The following PARD3 variants were observed in gnomAD, a reference collection of about 807,000 sequenced individuals.
PARD3 encodes par-3 family cell polarity regulator, also known as partitioning defective 3 homolog.
A neutral mutation model predicts 155.4 loss-of-function variants in PARD3; 75 were observed. That is an observed-to-expected ratio of 0.48 (90% confidence interval 0.40 to 0.58). The LOEUF is 0.58. Ranked by LOEUF, PARD3 falls within the 20% of genes least tolerant of loss-of-function variation. The probability of loss-of-function intolerance (pLI) is 0.00; values close to 1 mark genes in which losing one functional copy is unlikely to be tolerated. For missense variants in PARD3, 1,642 were observed against 1,721.7 expected (o/e 0.95, Z 0.82); for synonymous variants, 576 against 610.5 (o/e 0.94, Z 0.83).
At chr10:34,228,515 G>T (rs183250100) in intron 22 of PARD3, among the ~76,000 whole-genome samples, 5 of 152,154 alleles carry the variant, frequency 3.3e-5, no homozygotes, top group Admixed American at 3.3e-4. Flanking sequence ...GATAAGCTGG[G>T]GTGAGAACAC....
At chr10:34,626,214 T>C (rs2091974659) in intron 2 of PARD3, among the ~76,000 whole-genome samples, 1 of 152,218 alleles carries the variant, frequency 6.6e-6, no homozygotes, top group Non-Finnish European at 1.5e-5. Flanking sequence ...AGCCAGGAGT[T>C]GGGACCAAGA....
At chr10:34,767,392 G>A (rs1838230931) in intron 1 of PARD3, among the ~76,000 whole-genome samples, 1 of 152,108 alleles carries the variant, frequency 6.6e-6, no homozygotes, top group Non-Finnish European at 1.5e-5. Flanking sequence ...CGTGTGCTCA[G>A]GGTAGGGGAG....
intron 2 of PARD3, among the ~76,000 whole-genome samples, chr10:34,674,966 G>A (rs2496734): frequency 0.69 from 104,271 of 152,068 alleles, 36,215 homozygotes; most frequent in African/African-American, 0.73. Flanking sequence ...GTATATGCAC[G>A]TAATAGATAT....
chr10:34,377,046 G>GA lies in PARD3; in HGVS notation c.1539+920dup, dbSNP rs1456571788. On this transcript the variant is annotated intron_variant, in intron 10 of 24. Transcript: ENST00000374788. ...AATGAACCCAAACTCATAAGACATA[G>GA]AAAAAAAATTCAAAAACGATTTTTC... Among the ~76,000 whole-genome samples the GA allele has an allele frequency of 3.3e-5, 5 of 151,922 alleles. No individual in the cohort carries two copies. The East Asian group carries it at 9.7e-4, about 29-fold the overall frequency.
chr10:34,230,585 A>T (rs1285157466), intron 22 of PARD3, among the ~76,000 whole-genome samples: 1 of 152,136 alleles, frequency 6.6e-6, no homozygotes, highest in Non-Finnish European at 1.5e-5. Context: ...AGTCAACTGA[A>T]TACTGAGGAT....
chr10:34,774,002 G>A (rs1839229473), intron 1 of PARD3, among the ~76,000 whole-genome samples: 1 of 152,214 alleles, frequency 6.6e-6, no homozygotes, highest in Non-Finnish European at 1.5e-5. Flanking sequence ...CTTTAAGCCA[G>A]TGGCTTTCCA....
intron 9 of PARD3, 118 bp downstream of exon 9, chr10:34,382,422 A>T: frequency 1.1e-6 from 1 of 943,658 alleles, no homozygotes; most frequent in South Asian, 1.6e-5. Context: ...AAATAATTAG[A>T]TAAGACTCAG....
intron 22 of PARD3, among the ~76,000 whole-genome samples, chr10:34,245,607 A>AAACAC (rs1953897151): frequency 6.6e-6 from 1 of 152,016 alleles, no homozygotes; most frequent in Non-Finnish European, 1.5e-5. Flanking sequence ...AAACAAAACA[A>AAACAC]AACAAAACAA....
intron 19 of PARD3, among the ~76,000 whole-genome samples, chr10:34,326,361 T>A (rs912686199): frequency 6.6e-6 from 1 of 151,706 alleles, no homozygotes; most frequent in African/African-American, 2.4e-5. Flanking sequence ...TTTATTTGCA[T>A]AAAATGATGT....
chr10:34,180,955 G>A (rs890489805), intron 22 of PARD3, among the ~76,000 whole-genome samples: 1 of 152,156 alleles, frequency 6.6e-6, no homozygotes, highest in Admixed American at 6.5e-5. Context: ...CAGGAGCAAA[G>A]CCCAATATTT....
chr10:34,303,947 G>A lies in PARD3; in HGVS notation c.3065+13160C>T, dbSNP rs532360864. Among the ~76,000 whole-genome samples the A allele has an allele frequency of 3.3e-5, 5 of 152,302 alleles. No homozygotes were observed. The East Asian group carries it at 9.7e-4, about 29-fold the overall frequency. ...GAGGCAGCAATGGTGGAGCAAGATA[G>A]AGGTACAAGGTGGCATGCAGTAAGG... On this transcript the variant is annotated intron_variant, in intron 20 of 24. Transcript: ENST00000374788.
chr10:34,152,438 G>T (rs544620669), intron 22 of PARD3, among the ~76,000 whole-genome samples: 3 of 152,190 alleles, frequency 2.0e-5, no homozygotes, highest in Non-Finnish European at 4.4e-5. Context: ...CAGGCAATTG[G>T]AACATAATGG....
intron 2 of PARD3, among the ~76,000 whole-genome samples, chr10:34,538,236 G>A (rs1194005245): frequency 1.3e-5 from 2 of 152,206 alleles, no homozygotes; most frequent in African/African-American, 4.8e-5. Context: ...CGGTAAGTTA[G>A]GGTTCCTAGC....
intron 3 of PARD3, among the ~76,000 whole-genome samples, chr10:34,483,916 T>C (rs1456419246): frequency 6.6e-6 from 1 of 152,158 alleles, no homozygotes; most frequent in East Asian, 1.9e-4. Context: ...AATTAATATA[T>C]ATTGCTGATT....
At position 34,205,304 on chromosome 10, in the gene PARD3, G is replaced by A. The variant is rs537864439; in HGVS notation, c.3419+64353C>T. 2.0e-5 allele frequency among the ~76,000 whole-genome samples: 3 copies of A among 152,110 alleles called. No individual in the cohort carries two copies. In the South Asian group the frequency reaches 6.2e-4, roughly 32 times the overall value. ...TGCCTAATCTGACTGTATTTAGCCT[G>A]TTATGCTGACATCTGAACTCAATTG... On this transcript the variant is annotated intron_variant, in intron 22 of 24. Coordinates refer to ENST00000374788, the MANE Select transcript of PARD3 (RefSeq NM_001184785.2).
At chr10:34,515,368 T>C (rs180672363) in intron 3 of PARD3, among the ~76,000 whole-genome samples, 30 of 152,386 alleles carry the variant, frequency 2.0e-4, no homozygotes, top group Admixed American at 9.1e-4. Context: ...ATAAAAAATA[T>C]TCAACTAAAA....
intron 9 of PARD3, among the ~76,000 whole-genome samples, chr10:34,378,724 C>T (rs1223564595): frequency 6.6e-6 from 1 of 152,148 alleles, no homozygotes; most frequent in Non-Finnish European, 1.5e-5. Context: ...TCACCACCCC[C>T]CACTCCCAAA....
intron 14 of PARD3, among the ~76,000 whole-genome samples, chr10:34,350,084 G>T (rs557613633): frequency 1.3e-5 from 2 of 152,108 alleles, no homozygotes; most frequent in African/African-American, 2.4e-5. Flanking sequence ...GACATCAATA[G>T]TTGACTACAT....
intron 2 of PARD3, among the ~76,000 whole-genome samples, chr10:34,581,997 T>C (rs537256162): frequency 5.9e-5 from 9 of 152,216 alleles, no homozygotes; most frequent in Non-Finnish European, 1.0e-4. Context: ...AAAGGAATGT[T>C]AAGAATAGGA....
Sources: allele counts gnomAD v4.1 joint callset (sites outside exome capture counted in the v4.1 genomes callset), GRCh38; gene constraint gnomAD v4.1.1; transcripts MANE v1.5; gene names NCBI Gene and HGNC (gene_info 2026-07-23, HGNC 2026-07-21).